Variants in TAS2R1 observed in about 807,000 individuals in gnomAD.
TAS2R1 encodes the protein taste receptor type 2 member 1.
For missense variants in TAS2R1, 370 were observed against 353.4 expected (o/e 1.05, Z -0.38); for synonymous variants, 141 against 134.2 (o/e 1.05, Z -0.35).
rs538554964 is a variant in TAS2R1 at position 9,686,881 on chromosome 5, G to T, written c.-242+25291C>A. ...TGAAAATATTTATCATACAGAAAAT[G>T]ACTATAGAAGTGAAAATAGTAATTA... On this transcript the variant is annotated intron_variant, in intron 1 of 2. Coordinates refer to the TAS2R1 transcript ENST00000506620. 3.7e-4 allele frequency among the ~76,000 whole-genome samples: 56 copies of T among 152,258 alleles called. 1 individual carries two copies. The highest frequency in any genetic ancestry group is 7.1e-4 in the Non-Finnish European group (48 of 68,012).
the TAS2R1 span, among the ~76,000 whole-genome samples, chr5:9,836,364 T>C: frequency 2.6e-5 from 4 of 152,278 alleles, no homozygotes; most frequent in South Asian, 8.3e-4. Flanking sequence ...GGCTGAAGTT[T>C]CTTGACCTTG....
chr5:9,808,222 G>A, the TAS2R1 span, among the ~76,000 whole-genome samples: 1,270 of 152,260 alleles, frequency 8.3e-3, 8 homozygotes, highest in Non-Finnish European at 0.014. Flanking sequence ...GTAGAAATAT[G>A]AGCCATTCTG....
chr5:9,711,372 T>C (rs1734656954), intron 1 of TAS2R1, among the ~76,000 whole-genome samples: 1 of 152,160 alleles, frequency 6.6e-6, no homozygotes, highest in African/African-American at 2.4e-5. Context: ...ACAACACAGA[T>C]GAACTTCGAG....
chr5:9,894,558 C>A, the TAS2R1 span, among the ~76,000 whole-genome samples: 14,362 of 152,200 alleles, frequency 0.094, 677 homozygotes, highest in African/African-American at 0.099. Flanking sequence ...AACCTGCAGA[C>A]ACCTTGATCT....
chr5:9,860,637 G>A, the TAS2R1 span, among the ~76,000 whole-genome samples: 6 of 152,108 alleles, frequency 3.9e-5, no homozygotes, highest in African/African-American at 1.4e-4. Context: ...TTCAGCCTGG[G>A]ATGTAGGTCT....
chr5:9,713,390 T>C (rs1734737589), upstream of TAS2R1, among the ~76,000 whole-genome samples: 1 of 152,180 alleles, frequency 6.6e-6, no homozygotes, highest in Admixed American at 6.5e-5. Context: ...TCTGGGCTTC[T>C]GGCAAAGCTT....
the TAS2R1 span, among the ~76,000 whole-genome samples, chr5:9,790,815 T>C: frequency 1.3e-5 from 2 of 152,158 alleles, no homozygotes; most frequent in East Asian, 1.9e-4. Context: ...GTATTTTTAG[T>C]AGAGTTTTTT....
chr5:9,831,056 A>G, the TAS2R1 span, among the ~76,000 whole-genome samples: 1 of 152,216 alleles, frequency 6.6e-6, no homozygotes, highest in African/African-American at 2.4e-5. Flanking sequence ...TCAGCAAATC[A>G]GTGGGCAAAG....
chr5:9,858,204 G>A, the TAS2R1 span, among the ~76,000 whole-genome samples: 4 of 152,152 alleles, frequency 2.6e-5, no homozygotes, highest in East Asian at 1.9e-4. Context: ...CTGCCAGGCC[G>A]GACTGGAGCC....
At chr5:9,839,068 G>A in the TAS2R1 span, among the ~76,000 whole-genome samples, 1 of 152,228 alleles carries the variant, frequency 6.6e-6, no homozygotes, top group Non-Finnish European at 1.5e-5. Context: ...TCAGCATCGA[G>A]CAGGTCTCTG....
At chr5:9,797,796 A>C in the TAS2R1 span, among the ~76,000 whole-genome samples, 11,271 of 152,198 alleles carry the variant, frequency 0.074, 1,232 homozygotes, top group African/African-American at 0.24. Flanking sequence ...CAAATTCTAC[A>C]ATTATAAAAA....
At chr5:9,801,105 T>C in the TAS2R1 span, among the ~76,000 whole-genome samples, 2 of 152,154 alleles carry the variant, frequency 1.3e-5, no homozygotes, top group Non-Finnish European at 2.9e-5. Flanking sequence ...GGCAGGAGAA[T>C]TGCTTGAACC....
chr5:9,629,458 A>T lies in TAS2R1; in HGVS notation c.575T>A (p.Phe192Tyr), dbSNP rs772246846. The change falls in exon 1 of 1, where the codon TTT becomes TAT. Residue 192 changes from phenylalanine (F) to tyrosine (Y), a missense_variant. Coordinates refer to ENST00000382492, the MANE Select transcript of TAS2R1 (RefSeq NM_019599.3). ...AGAGAAAATCAAGAGCAAAACAGCA[A>T]AAAGGAAGATAAGCAATGGCACTGA... ...EFSVPLLIFL[F>Y]AVLLLIFSLG... 5 of 1,614,206 alleles carry T rather than the reference A, an allele frequency of 3.1e-6. No homozygotes were observed. Among genetic ancestry groups the T allele is most frequent in the Admixed American group, 3.3e-5 (2 of 60,016 alleles).
chr5:9,763,206 T>C, the TAS2R1 span, among the ~76,000 whole-genome samples: 2 of 152,286 alleles, frequency 1.3e-5, no homozygotes, highest in Non-Finnish European at 2.9e-5. Context: ...GGGGAAGCTG[T>C]TAGAAATATT....
chr5:9,788,409 G>A, the TAS2R1 span, among the ~76,000 whole-genome samples: 1 of 152,102 alleles, frequency 6.6e-6, no homozygotes, highest in Non-Finnish European at 1.5e-5. Context: ...TGCTGTGCAT[G>A]GCTAATACAG....
intron 1 of TAS2R1, among the ~76,000 whole-genome samples, chr5:9,691,514 C>A (rs956402052): frequency 2.0e-5 from 3 of 152,280 alleles, no homozygotes; most frequent in Non-Finnish European, 4.4e-5. Context: ...TTCCTCACTG[C>A]ATAGCATCTG....
At chr5:9,765,115 G>A in the TAS2R1 span, among the ~76,000 whole-genome samples, 1 of 152,018 alleles carries the variant, frequency 6.6e-6, no homozygotes, top group Non-Finnish European at 1.5e-5. Context: ...TTCAATAAAT[G>A]AGTTAGTAGT....
the TAS2R1 span, chr5:9,867,317 G>A: frequency 1.3e-5 from 2 of 152,216 alleles, no homozygotes. Context: ...ACATATCCCA[G>A]ACCAGGTAAT....
At chr5:9,773,810 T>C in the TAS2R1 span, among the ~76,000 whole-genome samples, 1 of 152,226 alleles carries the variant, frequency 6.6e-6, no homozygotes, top group Non-Finnish European at 1.5e-5. Flanking sequence ...CTGTATTAAA[T>C]GTTATTTATT....
Sources: gnomAD v4.1 joint callset for allele counts (sites outside exome capture counted in the v4.1 genomes callset) on GRCh38, gnomAD v4.1.1 for gene constraint, MANE v1.5 for transcripts, NCBI Gene and HGNC (gene_info 2026-07-23, HGNC 2026-07-21) for gene names.